Variants in DNAJC1 observed in about 807,000 individuals in gnomAD.
The protein encoded by DNAJC1 is dnaJ homolog subfamily C member 1.
A neutral mutation model predicts 76.6 loss-of-function variants in DNAJC1; 58 were observed. The ratio of observed to expected loss-of-function variants is 0.76; its 90% CI spans 0.61 to 0.94. DNAJC1 has a LOEUF of 0.94. Ranked by LOEUF, DNAJC1 falls within the 40% of genes least tolerant of loss-of-function variation. The probability of loss-of-function intolerance (pLI) is 0.00; values close to 1 mark genes in which losing one functional copy is unlikely to be tolerated. For synonymous variants in DNAJC1, 258 were observed against 267.9 expected (o/e 0.96, Z 0.36); for missense variants, 689 against 677.3 (o/e 1.02, Z -0.19).
At chr10:22,002,330 C>A (rs1376664027) in intron 1 of DNAJC1, among the ~76,000 whole-genome samples, 1 of 152,194 alleles carries the variant, frequency 6.6e-6, no homozygotes, top group African/African-American at 2.4e-5. Context: ...GAAATGTTAT[C>A]TTCTCCTTCG....
At chr10:21,779,074 G>A (rs1834492936) in intron 9 of DNAJC1, among the ~76,000 whole-genome samples, 1 of 152,240 alleles carries the variant, frequency 6.6e-6, no homozygotes, top group African/African-American at 2.4e-5. Flanking sequence ...GCTGAGGCTT[G>A]AGTAGGTAAA....
rs181757658 is a variant in DNAJC1, at chr10:21,911,933, C to T, written c.729+6846G>A. On this transcript the variant is annotated intron_variant, in intron 6 of 11. Coordinates refer to ENST00000376980, the MANE Select transcript of DNAJC1 (RefSeq NM_022365.4). The stretch of plus-strand genomic sequence containing the variant: ...GTGGGCTAAACGTAAGTGTTCTGAG[C>T]GTGTTTAAGGTAGGCTAGGCTAAGC... Among the ~76,000 whole-genome samples the T allele has an allele frequency of 5.3e-5, 8 of 152,128 alleles. No homozygotes were observed. The East Asian group carries it at 1.5e-3, about 29-fold the overall frequency.
chr10:21,762,614 T>TA, intron 10 of DNAJC1, among the ~76,000 whole-genome samples: 1 of 152,350 alleles, frequency 6.6e-6, no homozygotes, highest in East Asian at 1.9e-4. Flanking sequence ...TAGAAAGTGT[T>TA]ACTTATTTAT....
intron 8 of DNAJC1, among the ~76,000 whole-genome samples, chr10:21,831,167 A>G (rs1564800712): frequency 1.3e-5 from 2 of 152,110 alleles, no homozygotes; most frequent in Non-Finnish European, 2.9e-5. Flanking sequence ...GTTTGGGGTA[A>G]GCCTAAAGAA....
At chr10:21,983,380 T>C (rs984538870) in intron 1 of DNAJC1, among the ~76,000 whole-genome samples, 6 of 152,190 alleles carry the variant, frequency 3.9e-5, no homozygotes, top group African/African-American at 9.6e-5. Context: ...AAATATTATA[T>C]GACTCCATTT....
chr10:21,902,415 C>T (rs1164068091), intron 7 of DNAJC1, among the ~76,000 whole-genome samples: 2 of 152,168 alleles, frequency 1.3e-5, no homozygotes, highest in African/African-American at 4.8e-5. Context: ...GGCGATTCTC[C>T]TGCCTCAGCC....
At chr10:21,937,920 T>C (rs565500916) in intron 1 of DNAJC1, among the ~76,000 whole-genome samples, 1 of 152,182 alleles carries the variant, frequency 6.6e-6, no homozygotes, top group Non-Finnish European at 1.5e-5. Flanking sequence ...CGTGCCATTA[T>C]GTTGTCTCTA....
rs776302331 is a variant in DNAJC1, at chr10:21,766,241, T to G, written c.1147+20A>C. ...AAGAAACCACTTTAGATTAATGAGA[T>G]AGAGGAAGTATGAACTCACCTGGGG... On this transcript the variant is annotated intron_variant, in intron 10 of 11. Coordinates refer to ENST00000376980, the MANE Select transcript of DNAJC1 (RefSeq NM_022365.4). 1 of 1,574,936 alleles carries G rather than the reference T, an allele frequency of 6.3e-7. No homozygotes were observed. The highest frequency in any genetic ancestry group is 1.3e-5 in the African/African-American group (1 of 74,186).
chr10:21,759,075 G>C (rs1045469335), intron 11 of DNAJC1, 95 bp downstream of exon 11: 35 of 1,239,616 alleles, frequency 2.8e-5, no homozygotes, highest in Non-Finnish European at 3.9e-5. Flanking sequence ...GGTGTCAGTA[G>C]ATAGGAATGA....
intron 9 of DNAJC1, among the ~76,000 whole-genome samples, chr10:21,774,124 G>C (rs1249190671): frequency 7.3e-6 from 1 of 136,574 alleles, no homozygotes; most frequent in Non-Finnish European, 1.5e-5. Flanking sequence ...CTGGGCGACA[G>C]AGCGAGACTC....
At chr10:21,855,813 T>C (rs1264850633) in intron 8 of DNAJC1, among the ~76,000 whole-genome samples, 1 of 151,934 alleles carries the variant, frequency 6.6e-6, no homozygotes, top group African/African-American at 2.4e-5. Flanking sequence ...CGCCTTTTTT[T>C]TGGTTGTGTT....
At chr10:21,788,391 C>T (rs1472683783) in intron 9 of DNAJC1, among the ~76,000 whole-genome samples, 2 of 152,180 alleles carry the variant, frequency 1.3e-5, no homozygotes, top group Non-Finnish European at 2.9e-5. Flanking sequence ...CTGTGCATCC[C>T]AGGGCTAAGC....
At chr10:21,973,441 G>T (rs1838012141) in intron 1 of DNAJC1, among the ~76,000 whole-genome samples, 1 of 152,110 alleles carries the variant, frequency 6.6e-6, no homozygotes, top group Admixed American at 6.5e-5. Context: ...TAAATACCAA[G>T]ACTCTATTGT....
chr10:21,998,770 T>C (rs1336191685), intron 1 of DNAJC1, among the ~76,000 whole-genome samples: 1 of 152,226 alleles, frequency 6.6e-6, no homozygotes, highest in East Asian at 1.9e-4. Flanking sequence ...CTGAAGGCTG[T>C]GAAAGATTAC....
intron 8 of DNAJC1, among the ~76,000 whole-genome samples, chr10:21,880,426 T>C (rs1357567782): frequency 1.3e-5 from 2 of 152,206 alleles, no homozygotes; most frequent in African/African-American, 4.8e-5. Context: ...TCACTCTCTA[T>C]GGCACCTACA....
intron 8 of DNAJC1, among the ~76,000 whole-genome samples, chr10:21,811,928 T>C (rs1208574707): frequency 6.6e-6 from 1 of 152,224 alleles, no homozygotes; most frequent in Non-Finnish European, 1.5e-5. Flanking sequence ...TACCCAGCAA[T>C]GCATGAGCAT....
intron 8 of DNAJC1, among the ~76,000 whole-genome samples, chr10:21,844,554 G>T (rs1290621690): frequency 2.0e-5 from 3 of 152,064 alleles, no homozygotes; most frequent in African/African-American, 7.2e-5. Flanking sequence ...AGACTATACT[G>T]CAATTAAAAA....
At chr10:21,860,331 T>TTA (rs1364655917) in intron 8 of DNAJC1, among the ~76,000 whole-genome samples, 9 of 152,268 alleles carry the variant, frequency 5.9e-5, no homozygotes, top group African/African-American at 2.2e-4. Flanking sequence ...AATTTCATAC[T>TTA]TTTATAAGAT....
At chr10:21,857,909 G>C (rs922940068) in intron 8 of DNAJC1, among the ~76,000 whole-genome samples, 1 of 151,812 alleles carries the variant, frequency 6.6e-6, no homozygotes, top group Non-Finnish European at 1.5e-5. Context: ...TGTGCGTTCT[G>C]GGAGAAACAA....
Sources: allele counts gnomAD v4.1 joint callset (sites outside exome capture counted in the v4.1 genomes callset), GRCh38; gene constraint gnomAD v4.1.1; transcripts MANE v1.5; gene names NCBI Gene and HGNC (gene_info 2026-07-23, HGNC 2026-07-21).